Variants in MAGI2 observed in about 807,000 individuals in gnomAD.
MAGI2 encodes membrane-associated guanylate kinase, WW and PDZ domain-containing protein 2.
Under a neutral mutation model 133.3 loss-of-function variants are expected in MAGI2, and 35 were observed. That is an observed-to-expected ratio of 0.26 (90% confidence interval 0.20 to 0.35). MAGI2 has a LOEUF of 0.35. Ranked by LOEUF, MAGI2 falls within the 10% of genes least tolerant of loss-of-function variation. The pLI, the probability that MAGI2 is intolerant of heterozygous loss-of-function variation, is 1.00. For synonymous variants in MAGI2, 729 were observed against 710.6 expected (o/e 1.03, Z -0.41); for missense variants, 1,636 against 1,863.4 (o/e 0.88, Z 2.25).
chr7:78,941,438 C>T (rs550322531), intron 2 of MAGI2, among the ~76,000 whole-genome samples: 1 of 152,194 alleles, frequency 6.6e-6, no homozygotes, highest in Non-Finnish European at 1.5e-5. Flanking sequence ...CAACCTCCCC[C>T]TCTCAGGTTC....
chr7:78,372,654 T>G (rs948279962), intron 6 of MAGI2, among the ~76,000 whole-genome samples: 4 of 152,166 alleles, frequency 2.6e-5, no homozygotes, highest in Admixed American at 1.3e-4. Context: ...TGGGGCAAAT[T>G]CAGTGATTAA....
intron 6 of MAGI2, among the ~76,000 whole-genome samples, chr7:78,449,560 T>TAA (rs1424561004): frequency 6.6e-6 from 1 of 152,128 alleles, no homozygotes; most frequent in Non-Finnish European, 1.5e-5. Flanking sequence ...TCCATTAGTT[T>TAA]AATTGCTGCC....
chr7:79,345,735 T>C (rs1272979701), intron 1 of MAGI2, among the ~76,000 whole-genome samples: 1 of 152,162 alleles, frequency 6.6e-6, no homozygotes, highest in African/African-American at 2.4e-5. Flanking sequence ...TGAGGCTAAA[T>C]CACTTCTTGG....
intron 1 of MAGI2, among the ~76,000 whole-genome samples, chr7:79,171,255 T>C (rs948106011): frequency 3.9e-5 from 6 of 152,094 alleles, no homozygotes; most frequent in Admixed American, 6.6e-5. Flanking sequence ...TTCTGGCGTT[T>C]CTTTGGCTTA....
intron 5 of MAGI2, among the ~76,000 whole-genome samples, chr7:78,496,530 A>T (rs1217218239): frequency 1.3e-5 from 2 of 152,170 alleles, no homozygotes; most frequent in African/African-American, 4.8e-5. Context: ...TGGAGTAGTG[A>T]ATTGCTGGCC....
chr7:78,953,896 A>C (rs1378627819), intron 2 of MAGI2, among the ~76,000 whole-genome samples: 2 of 152,168 alleles, frequency 1.3e-5, no homozygotes, highest in Non-Finnish European at 2.9e-5. Flanking sequence ...AAAGTATTTA[A>C]GTGAAAAAGA....
chr7:78,582,223 T>C (rs1367520810), intron 3 of MAGI2, among the ~76,000 whole-genome samples: 1 of 152,120 alleles, frequency 6.6e-6, no homozygotes, highest in Non-Finnish European at 1.5e-5. Flanking sequence ...AAATGTGACA[T>C]GTAACCATGC....
intron 1 of MAGI2, among the ~76,000 whole-genome samples, chr7:79,010,543 T>C (rs774045350): frequency 1.2e-4 from 19 of 152,204 alleles, no homozygotes; most frequent in Admixed American, 3.3e-4. Flanking sequence ...TCCATACTTA[T>C]AAATTTTTTA....
intron 1 of MAGI2, among the ~76,000 whole-genome samples, chr7:79,265,455 G>T (rs1318905488): frequency 6.6e-6 from 1 of 152,022 alleles, no homozygotes; most frequent in Non-Finnish European, 1.5e-5. Context: ...TTAATATGTG[G>T]TGTATTAAAT....
At chr7:78,691,537 C>A (rs1189045639) in intron 2 of MAGI2, among the ~76,000 whole-genome samples, 1 of 152,110 alleles carries the variant, frequency 6.6e-6, no homozygotes, top group Non-Finnish European at 1.5e-5. Flanking sequence ...AGAATGAAAT[C>A]TAATGACTGA....
chr7:78,812,967 G>C (rs1789205837), intron 2 of MAGI2, among the ~76,000 whole-genome samples: 1 of 152,204 alleles, frequency 6.6e-6, no homozygotes, highest in East Asian at 1.9e-4. Context: ...AAAAATACAG[G>C]CTAGAGGTTC....
intron 2 of MAGI2, among the ~76,000 whole-genome samples, chr7:78,642,721 T>C (rs187464304): frequency 4.6e-5 from 7 of 152,364 alleles, no homozygotes; most frequent in Admixed American, 3.9e-4. Flanking sequence ...CATTGTACTC[T>C]GCTTTTTGCA....
intron 1 of MAGI2, among the ~76,000 whole-genome samples, chr7:79,289,987 T>C (rs764685568): frequency 2.6e-5 from 4 of 152,140 alleles, no homozygotes; most frequent in Non-Finnish European, 4.4e-5. Flanking sequence ...TCCCATTTTT[T>C]AAAGTGATCT....
chr7:78,769,501 T>C (rs555760678), intron 2 of MAGI2, among the ~76,000 whole-genome samples: 1 of 38,068 alleles, frequency 2.6e-5, no homozygotes. Flanking sequence ...CACCACCCAC[T>C]CCCCATTCAA....
intron 1 of MAGI2, among the ~76,000 whole-genome samples, chr7:79,345,034 A>G (rs142515843): frequency 1.3e-5 from 2 of 152,164 alleles, no homozygotes; most frequent in African/African-American, 4.8e-5. Flanking sequence ...ATATCCATCT[A>G]TTTAATACAT....
At chr7:78,803,082 C>T (rs1013971906) in intron 2 of MAGI2, among the ~76,000 whole-genome samples, 1 of 151,898 alleles carries the variant, frequency 6.6e-6, no homozygotes, top group African/African-American at 2.4e-5. Flanking sequence ...ATTTGCATAT[C>T]ATAATATATA....
At chr7:78,820,650 T>C (rs534114664) in intron 2 of MAGI2, among the ~76,000 whole-genome samples, 4 of 152,036 alleles carry the variant, frequency 2.6e-5, no homozygotes, top group East Asian at 3.9e-4. Context: ...AGAATAAAGA[T>C]GATATGCTAC....
intron 2 of MAGI2, among the ~76,000 whole-genome samples, chr7:78,929,659 T>A (rs1799963767): frequency 6.6e-6 from 1 of 152,050 alleles, no homozygotes; most frequent in Non-Finnish European, 1.5e-5. Context: ...CTTTTATGGT[T>A]CCTTCTGGGT....
intron 1 of MAGI2, among the ~76,000 whole-genome samples, chr7:79,198,285 A>T (rs1026876860): frequency 9.9e-5 from 15 of 151,386 alleles, no homozygotes; most frequent in Admixed American, 9.2e-4. Flanking sequence ...CAACAACAAA[A>T]ACCACAGCAA....
Sources: allele counts gnomAD v4.1 joint callset (sites outside exome capture counted in the v4.1 genomes callset), GRCh38; gene constraint gnomAD v4.1.1; transcripts MANE v1.5; gene names NCBI Gene and HGNC (gene_info 2026-07-23, HGNC 2026-07-21).